Variants in TNPO1 observed in about 807,000 individuals in gnomAD.
TNPO1 encodes transportin-1.
TNPO1 carries 8 observed loss-of-function variants against 119.5 expected under a neutral mutation model. The ratio of observed to expected loss-of-function variants is 0.07; its 90% CI spans 0.04 to 0.12. TNPO1 has a LOEUF of 0.12. Among genes scored for constraint, TNPO1 ranks in the 10% least tolerant of loss-of-function variants. TNPO1 has a pLI of 1.00. For synonymous variants in TNPO1, 362 were observed against 363.0 expected, an observed-to-expected ratio of 1.00 and a Z score of 0.03; for missense variants, 576 against 1,089.8, an observed-to-expected ratio of 0.53 and a Z score of 6.64.
intron 24 of TNPO1, among the ~76,000 whole-genome samples, chr5:72,906,067 C>CT (rs1387866546): frequency 2.6e-5 from 4 of 151,868 alleles, no homozygotes; most frequent in Non-Finnish European, 5.9e-5. Context: ...TTTTTTCTTT[C>CT]TTTTTTCCTG....
chr5:72,819,206 AAG>A (rs1228676148), intron 1 of TNPO1, among the ~76,000 whole-genome samples: 5 of 152,172 alleles, frequency 3.3e-5, no homozygotes, highest in African/African-American at 1.2e-4. Flanking sequence ...ACCCCAGGCA[AAG>A]AGGGGGAAAT....
intron 9 of TNPO1, among the ~76,000 whole-genome samples, chr5:72,881,348 A>G (rs1748233064): frequency 6.6e-6 from 1 of 152,228 alleles, no homozygotes; most frequent in East Asian, 1.9e-4. Flanking sequence ...TGACCTCGTG[A>G]TCCGCTCGCC....
Position 72,887,115 on chromosome 5 carries a change from G to A in TNPO1, c.1196G>A (p.Arg399His), listed in dbSNP as rs1428903810. Residue 399 changes from arginine to histidine, a missense_variant, in exon 12 of 25, where the codon CGT becomes CAT. This residue lies in a region of TNPO1 where 310 missense variants were observed against 583.0 expected (regional missense o/e 0.53). Transcript: ENST00000337273. ...CTGGATGTTCTTGCAAATGTGTATC[G>A]TGATGAACTGCTGCCACATATTTTG... ...AALDVLANVY[R>H]DELLPHILPL... 6.8e-6 allele frequency: 11 copies of A among 1,613,766 alleles called. No homozygotes were observed. Among genetic ancestry groups the A allele is most frequent in the East Asian group, 6.7e-5 (3 of 44,866 alleles).
intron 1 of TNPO1, among the ~76,000 whole-genome samples, chr5:72,834,850 A>AT (rs60345274): frequency 0.18 from 27,084 of 151,716 alleles, 2,716 homozygotes; most frequent in African/African-American, 0.26. Context: ...TTGATAAACC[A>AT]TTTTTTTATT....
At chr5:72,849,128 G>GACGC (rs1415723204) in intron 2 of TNPO1, among the ~76,000 whole-genome samples, 2 of 152,328 alleles carry the variant, frequency 1.3e-5, no homozygotes, top group East Asian at 3.9e-4. Flanking sequence ...CACCTGTTGC[G>GACGC]AACTCCTTGT....
intron 8 of TNPO1, among the ~76,000 whole-genome samples, chr5:72,876,819 G>A (rs1378916431): frequency 2.6e-5 from 4 of 152,084 alleles, no homozygotes; most frequent in African/African-American, 7.2e-5. Context: ...TTCTGGCCGG[G>A]TGCGGTGGCT....
At position 72,821,613 on chromosome 5, in the gene TNPO1, T is replaced by C. The variant is rs1006675414; in HGVS notation, c.15+4861T>C. ...CAAACCATGAAGGACTTTTGTGCCA[T>C]TTATTAGTGCTGGGATTATCTCTTG... is the stretch of plus-strand genomic sequence containing the variant. On this transcript the variant is annotated intron_variant, in intron 1 of 24. Coordinates refer to ENST00000337273, the MANE Select transcript of TNPO1 (RefSeq NM_002270.4). Among the ~76,000 whole-genome samples, 51 of 152,286 alleles carry C rather than the reference T, an allele frequency of 3.3e-4. 1 individual carries two copies. The highest frequency in any genetic ancestry group is 1.2e-3 in the African/African-American group (51 of 41,572).
intron 4 of TNPO1, among the ~76,000 whole-genome samples, chr5:72,858,258 A>G (rs1746152357): frequency 6.6e-6 from 1 of 152,226 alleles, no homozygotes; most frequent in African/African-American, 2.4e-5. Context: ...TTGACCATGT[A>G]TTAATGACTG....
chr5:72,822,908 CTTTTTT>C (rs56331096), intron 1 of TNPO1, among the ~76,000 whole-genome samples: 11 of 76,086 alleles, frequency 1.4e-4, no homozygotes, highest in African/African-American at 4.2e-4. Context: ...TGGGTCTACA[CTTTTTT>C]TTTTTTTTTT....
In TNPO1 at chr5:72,910,124, A is replaced by G. The variant is rs1346874199; in HGVS notation, c.*1451A>G. 6.6e-6 allele frequency: 1 copy of G among 152,588 alleles called. No individual in the cohort carries two copies. The highest frequency in any genetic ancestry group is 2.4e-5 in the African/African-American group (1 of 41,430). 9.5% of individuals were successfully genotyped at this position (152,588 alleles called of 1,614,324 possible). A position where few individuals can be genotyped will look rare whatever the true frequency, so the allele number is the denominator to read the frequency against. ...TGATCTTAAAGATATGTTTAAGTTA[A>G]TGGATGTAATGCAGGGTTCCTACAC... On this transcript the variant is annotated 3_prime_UTR_variant, in exon 25 of 25. Coordinates refer to ENST00000337273, the MANE Select transcript of TNPO1 (RefSeq NM_002270.4).
At chr5:72,880,715 C>T (rs1748177326) in intron 9 of TNPO1, among the ~76,000 whole-genome samples, 1 of 149,744 alleles carries the variant, frequency 6.7e-6, no homozygotes, top group South Asian at 2.1e-4. Flanking sequence ...ACTTGGGTGG[C>T]TGAGGCAGGA....
chr5:72,848,589 C>T (rs1745277528), intron 2 of TNPO1, 91 bp downstream of exon 2: 3 of 635,680 alleles, frequency 4.7e-6, no homozygotes, highest in East Asian at 3.9e-5. Context: ...TCGCCTCCGC[C>T]TCTGCCCCTC....
intron 24 of TNPO1, among the ~76,000 whole-genome samples, chr5:72,906,281 T>C (rs1267574184): frequency 4.4e-4 from 27 of 61,072 alleles, no homozygotes; most frequent in African/African-American, 1.3e-3. Flanking sequence ...TTTTCTTTTT[T>C]TTTTTTTTTT....
At chr5:72,891,279 A>C (rs1033642022) in intron 14 of TNPO1, among the ~76,000 whole-genome samples, 2 of 152,068 alleles carry the variant, frequency 1.3e-5, no homozygotes, top group Admixed American at 1.3e-4. Context: ...ATCCTGGCTA[A>C]CACGGTGAAA....
At chr5:72,892,731 G>C (rs1210536365) in intron 15 of TNPO1, among the ~76,000 whole-genome samples, 1 of 152,078 alleles carries the variant, frequency 6.6e-6, no homozygotes, top group Non-Finnish European at 1.5e-5. Context: ...AAGATTGGTT[G>C]AATCCATAGA....
intron 1 of TNPO1, among the ~76,000 whole-genome samples, chr5:72,820,227 T>C (rs2112155464): frequency 6.6e-6 from 1 of 152,282 alleles, no homozygotes; most frequent in Admixed American, 6.5e-5. Context: ...TTTTTGCAGT[T>C]ATAAGAAACA....
intron 11 of TNPO1, among the ~76,000 whole-genome samples, chr5:72,885,088 A>T (rs1748522371): frequency 6.6e-6 from 1 of 152,260 alleles, no homozygotes; most frequent in Non-Finnish European, 1.5e-5. Flanking sequence ...TTCTATTTAG[A>T]GTGCCTAATG....
At position 72,888,060 on chromosome 5, in the gene TNPO1, G is replaced by A. The variant is rs1580459349; in HGVS notation, c.1304-18G>A. ...TTAACTAAATTTTAGCATTTTGAAA[G>A]ATTTATTTTTTTTCTAGGTTGCATG... On this transcript the variant is annotated intron_variant, in intron 12 of 24. Transcript: ENST00000337273. 1 of 1,600,964 alleles carries A rather than the reference G, an allele frequency of 6.2e-7. No homozygotes were observed. The highest frequency in any genetic ancestry group is 2.2e-5 in the East Asian group (1 of 44,780).
intron 6 of TNPO1, among the ~76,000 whole-genome samples, chr5:72,867,942 A>G (rs968100361): frequency 3.3e-5 from 5 of 152,294 alleles, no homozygotes; most frequent in South Asian, 2.1e-4. Context: ...ATACTTTGCT[A>G]TCATTAATGA....
Sources: gnomAD v4.1 joint callset for allele counts (sites outside exome capture counted in the v4.1 genomes callset) on GRCh38, gnomAD v4.1.1 for gene constraint, gnomAD v4.1.1 regional missense constraint, MANE v1.5 for transcripts, NCBI Gene and HGNC (gene_info 2026-07-23, HGNC 2026-07-21) for gene names.